The following CRYZL1 variants were observed in gnomAD, a reference collection of about 807,000 sequenced individuals.
The protein encoded by CRYZL1 is ferry endosomal RAB5 effector complex subunit 4.
CRYZL1 carries 34 observed loss-of-function variants against 50.6 expected under a neutral mutation model. That is an observed-to-expected ratio of 0.67 (90% confidence interval 0.51 to 0.89). The LOEUF (loss-of-function observed/expected upper bound fraction) is 0.89, where lower values mean the gene tolerates loss of function less well. Among genes scored for constraint, CRYZL1 ranks in the 40% least tolerant of loss-of-function variants. CRYZL1 has a pLI of 0.00. For missense variants in CRYZL1, 354 were observed against 402.3 expected (o/e 0.88, Z 1.03); for synonymous variants, 125 against 134.3 (o/e 0.93, Z 0.48).
chr21:33,607,482 G>T (rs1184556470), intron 6 of CRYZL1, among the ~76,000 whole-genome samples: 5 of 151,668 alleles, frequency 3.3e-5, no homozygotes, highest in African/African-American at 1.2e-4. Context: ...ACAAAAAAAA[G>T]TTAGCCAGAC....
chr21:33,607,782 C>T (rs149498225), intron 6 of CRYZL1, among the ~76,000 whole-genome samples: 1 of 152,250 alleles, frequency 6.6e-6, no homozygotes, highest in East Asian at 1.9e-4. Flanking sequence ...TGCCGGGAAA[C>T]TGAAATTATT....
chr21:33,596,322 G>GA (rs2086692568), intron 10 of CRYZL1: 1 of 339,574 alleles, frequency 2.9e-6, no homozygotes, highest in Admixed American at 4.1e-5. Context: ...ATGTCACCGA[G>GA]AAAAAATGCT....
chr21:33,609,224 C>T (rs1488961513), intron 6 of CRYZL1, among the ~76,000 whole-genome samples: 2 of 152,042 alleles, frequency 1.3e-5, no homozygotes, highest in East Asian at 3.9e-4. Flanking sequence ...CTATATTAAC[C>T]CCTTATCAGA....
chr21:33,593,702 G>A lies in CRYZL1; in HGVS notation c.904+2029C>T, dbSNP rs571119978. On this transcript the variant is annotated intron_variant, in intron 11 of 12. Coordinates refer to ENST00000381554, the MANE Select transcript of CRYZL1 (RefSeq NM_145858.3). The stretch of plus-strand genomic sequence containing the variant: ...GTAAGATTCAAAACTAATAGCTACA[G>A]CCGGGAGTGGTGGCCCATGCCTGTA... Among the ~76,000 whole-genome samples the A allele has an allele frequency of 3.3e-5, 5 of 152,248 alleles. No homozygotes were observed. In the South Asian group the frequency reaches 1.0e-3, roughly 32 times the overall value.
intron 1 of CRYZL1, among the ~76,000 whole-genome samples, chr21:33,638,175 G>A (rs1166482310): frequency 1.3e-5 from 2 of 151,280 alleles, no homozygotes; most frequent in East Asian, 3.9e-4. Flanking sequence ...ATTCTGCAGG[G>A]TGTGGAGGAT....
intron 1 of CRYZL1, among the ~76,000 whole-genome samples, chr21:33,640,643 T>C (rs1366866755): frequency 1.3e-5 from 2 of 152,208 alleles, no homozygotes; most frequent in African/African-American, 4.8e-5. Flanking sequence ...ATCTCTAAAG[T>C]AGTTCTGAAT....
chr21:33,623,826 A>C (rs899100004), intron 3 of CRYZL1, among the ~76,000 whole-genome samples: 1 of 152,234 alleles, frequency 6.6e-6, no homozygotes, highest in Non-Finnish European at 1.5e-5. Flanking sequence ...ATTTAACCAC[A>C]GTTTATTTAC....
chr21:33,616,869 GA>G, intron 4 of CRYZL1, 119 bp from the exon 5 acceptor site: 7 of 908,836 alleles, frequency 7.7e-6, no homozygotes, highest in Non-Finnish European at 1.1e-5. Flanking sequence ...GTTTAATGTG[GA>G]AAAAAGGACC....
chr21:33,625,150 C>G (rs952220677), intron 2 of CRYZL1, among the ~76,000 whole-genome samples: 3 of 151,916 alleles, frequency 2.0e-5, no homozygotes, highest in South Asian at 2.1e-4. Flanking sequence ...AACGTATAAC[C>G]TTTACTGATT....
At chr21:33,605,200 C>T (rs1341762042) in intron 6 of CRYZL1, among the ~76,000 whole-genome samples, 1 of 151,984 alleles carries the variant, frequency 6.6e-6, no homozygotes, top group Non-Finnish European at 1.5e-5. Flanking sequence ...TACAGGAATT[C>T]TTTATATATT....
At chr21:33,620,109 G>C (rs2086976780) in intron 4 of CRYZL1, among the ~76,000 whole-genome samples, 1 of 152,108 alleles carries the variant, frequency 6.6e-6, no homozygotes, top group Non-Finnish European at 1.5e-5. Flanking sequence ...TTTTTCTACA[G>C]TCTGAGAAAA....
At chr21:33,604,138 C>T (rs554661580) in intron 6 of CRYZL1, among the ~76,000 whole-genome samples, 3 of 151,898 alleles carry the variant, frequency 2.0e-5, no homozygotes, top group Admixed American at 6.6e-5. Context: ...GAGGCCGAGG[C>T]GGGCGGATCA....
chr21:33,613,762 T>G (rs1204573041), intron 5 of CRYZL1, among the ~76,000 whole-genome samples, 156 bp from the exon 6 acceptor site: 1 of 152,238 alleles, frequency 6.6e-6, no homozygotes, highest in African/African-American at 2.4e-5. Flanking sequence ...GGATGGGAAG[T>G]GCACTGTGCC....
At chr21:33,617,809 G>A (rs1170487995) in intron 4 of CRYZL1, among the ~76,000 whole-genome samples, 2 of 152,158 alleles carry the variant, frequency 1.3e-5, no homozygotes, top group African/African-American at 2.4e-5. Context: ...ACCAGGCCCA[G>A]GGCGTGGCGC....
Position 33,602,690 on chromosome 21 carries a change from C to T in CRYZL1, c.466-345G>A, listed in dbSNP as rs982309202. On this transcript the variant is annotated intron_variant, in intron 7 of 12. Coordinates refer to ENST00000381554, the MANE Select transcript of CRYZL1 (RefSeq NM_145858.3). ...TGCGATGGTCTAAGCTAATTATATACTATATATGGGAGTCCAGCTATCTCT... is the reference window on the plus strand; with the variant it reads ...TGCGATGGTCTAAGCTAATTATATATTATATATGGGAGTCCAGCTATCTCT... Among the ~76,000 whole-genome samples the T allele has an allele frequency of 3.3e-5, 5 of 152,126 alleles. No homozygotes were observed. In the East Asian group the frequency reaches 7.7e-4, roughly 23 times the overall value.
At chr21:33,634,344 A>G (rs2087176945) in intron 1 of CRYZL1, among the ~76,000 whole-genome samples, 1 of 152,122 alleles carries the variant, frequency 6.6e-6, no homozygotes, top group Non-Finnish European at 1.5e-5. Context: ...TCTAGTTAGT[A>G]TGACTTTACA....
chr21:33,639,526 T>C (rs1212910143), intron 1 of CRYZL1, among the ~76,000 whole-genome samples: 1 of 152,150 alleles, frequency 6.6e-6, no homozygotes, highest in African/African-American at 2.4e-5. Context: ...GAATAACTAA[T>C]TGAGGGATCC....
intron 6 of CRYZL1, among the ~76,000 whole-genome samples, 194 bp from the exon 7 acceptor site, chr21:33,603,731 T>C (rs577627807): frequency 9.8e-5 from 15 of 152,344 alleles, no homozygotes; most frequent in African/African-American, 3.6e-4. Flanking sequence ...GTGTGTATTT[T>C]TAAAACTTTT....
intron 10 of CRYZL1, 116 bp downstream of exon 10, chr21:33,597,164 C>T (rs1294852506): frequency 1.1e-5 from 12 of 1,073,092 alleles, no homozygotes; most frequent in Non-Finnish European, 1.5e-5. Context: ...GCCACCATGC[C>T]TGGCCCAGAT....
Sources: allele counts gnomAD v4.1 joint callset (sites outside exome capture counted in the v4.1 genomes callset), GRCh38; gene constraint gnomAD v4.1.1; transcripts MANE v1.5; gene names NCBI Gene and HGNC (gene_info 2026-07-23, HGNC 2026-07-21).